The following EPHB2 variants were observed in gnomAD, a reference collection of about 807,000 sequenced individuals.
EPHB2 encodes the protein EPH receptor B2.
In EPHB2, 18 loss-of-function variants were observed where a neutral mutation model predicts 96.4. That is an observed-to-expected ratio of 0.19 (90% CI 0.13 to 0.28). EPHB2 has a LOEUF of 0.28. Among genes scored for constraint, EPHB2 ranks in the 10% least tolerant of loss-of-function variants. The pLI, the probability that EPHB2 is intolerant of heterozygous loss-of-function variation, is 1.00. For synonymous variants in EPHB2, 506 were observed against 534.1 expected (o/e 0.95, Z 0.72); for missense variants, 989 against 1,355.4 (o/e 0.73, Z 4.25).
chr1:22,821,317 C>T (rs1212191808), intron 3 of EPHB2, among the ~76,000 whole-genome samples: 1 of 152,176 alleles, frequency 6.6e-6, no homozygotes, highest in Non-Finnish European at 1.5e-5. Context: ...GCCATGTGCC[C>T]AGCTAAAAAG....
intron 3 of EPHB2, among the ~76,000 whole-genome samples, chr1:22,815,541 A>G (rs1157236324): frequency 6.6e-6 from 1 of 152,220 alleles, no homozygotes; most frequent in African/African-American, 2.4e-5. Context: ...GGGTGCAGCC[A>G]GCCCACGCTG....
intron 1 of EPHB2, among the ~76,000 whole-genome samples, chr1:22,715,163 T>A (rs1330271953): frequency 6.6e-6 from 1 of 152,180 alleles, no homozygotes; most frequent in Non-Finnish European, 1.5e-5. Context: ...TATATGATAC[T>A]GTGTTATGTG....
At chr1:22,754,050 G>A (rs1241702460) in intron 1 of EPHB2, among the ~76,000 whole-genome samples, 5 of 152,160 alleles carry the variant, frequency 3.3e-5, no homozygotes, top group South Asian at 2.1e-4. Flanking sequence ...GTTCCAGGCC[G>A]CTGTAAGGAC....
chr1:22,874,944 G>T lies in EPHB2; in HGVS notation c.1304-7415G>T, dbSNP rs143860658. ...CCACTGGGTTAAACCGAGTTAACTG[G>T]ATGTCTCCCCTGCGGGACTTCTCAG... On this transcript the variant is annotated intron_variant, in intron 5 of 15. Transcript: ENST00000374630. 2.7e-3 allele frequency among the ~76,000 whole-genome samples: 417 copies of T among 152,306 alleles called. 3 individuals carry two copies. The highest frequency in any genetic ancestry group is 9.2e-3 in the African/African-American group (384 of 41,570).
intron 1 of EPHB2, among the ~76,000 whole-genome samples, chr1:22,724,205 C>T (rs1327253701): frequency 1.3e-5 from 2 of 152,218 alleles, no homozygotes. Flanking sequence ...CCTGTGTGTT[C>T]TCACTCCCTC....
At chr1:22,738,620 C>T (rs1643869985) in intron 1 of EPHB2, among the ~76,000 whole-genome samples, 1 of 152,218 alleles carries the variant, frequency 6.6e-6, no homozygotes, top group Non-Finnish European at 1.5e-5. Flanking sequence ...GGCCATACTG[C>T]AATTCAATCA....
Position 22,856,098 on chromosome 1 carries a change from G to T in EPHB2, c.812-6939G>T, listed in dbSNP as rs549880167. ...CCTGACACACTGGGCCTGACCCAGC[G>T]ATTGACTCTGAGGTGGCATCAGTTG... is the stretch of plus-strand genomic sequence containing the variant. On this transcript the variant is annotated intron_variant, in intron 3 of 15. Coordinates refer to ENST00000374630, the MANE Select transcript of EPHB2 (RefSeq NM_017449.5). Among the ~76,000 whole-genome samples, 27 of 152,288 alleles carry T rather than the reference G, an allele frequency of 1.8e-4. No individual in the cohort carries two copies. The East Asian group carries it at 4.6e-3, about 26-fold the overall frequency.
intron 9 of EPHB2, among the ~76,000 whole-genome samples, chr1:22,903,656 G>A (rs1392405107): frequency 6.6e-6 from 1 of 152,242 alleles, no homozygotes; most frequent in Non-Finnish European, 1.5e-5. Context: ...TCCTCCAAGA[G>A]TTTTTGAGTG....
intron 6 of EPHB2, among the ~76,000 whole-genome samples, chr1:22,887,560 C>T (rs1226026702): frequency 6.6e-6 from 1 of 152,228 alleles, no homozygotes; most frequent in Admixed American, 6.5e-5. Context: ...GCCTGGAGTC[C>T]AGAGCTGACA....
At chr1:22,865,642 C>T (rs764762342) in intron 5 of EPHB2, among the ~76,000 whole-genome samples, 1 of 152,182 alleles carries the variant, frequency 6.6e-6, no homozygotes, top group Admixed American at 6.5e-5. Context: ...GAGTCTCAGG[C>T]ATGTCTGTGC....
At chr1:22,817,174 G>C (rs763441878) in intron 3 of EPHB2, among the ~76,000 whole-genome samples, 2 of 152,202 alleles carry the variant, frequency 1.3e-5, no homozygotes, top group Non-Finnish European at 2.9e-5. Context: ...GGTCAGACCA[G>C]GCCAGATGAA....
rs1001984511 is a variant in EPHB2 at position 22,913,837 on chromosome 1, T to C, written c.*267T>C. ...GAATATTTTTTAAAGAGGATTCTCA[T>C]AAGGAAAGCAATGACTGTTCTTGCG... On this transcript the variant is annotated 3_prime_UTR_variant, in exon 16 of 16. Transcript: ENST00000374630. This position sits in a 1 kb window ranked among gnomAD's most constrained non-coding sequence, Gnocchi z 4.1. 6.2e-7 allele frequency: 1 copy of C among 1,610,306 alleles called. No individual in the cohort carries two copies. The highest frequency in any genetic ancestry group is 8.5e-7 in the Non-Finnish European group (1 of 1,178,624).
At chr1:22,766,610 A>G (rs774349948) in intron 1 of EPHB2, among the ~76,000 whole-genome samples, 52 of 152,138 alleles carry the variant, frequency 3.4e-4, no homozygotes, top group Non-Finnish European at 6.6e-4. Flanking sequence ...CTGCAGTCCT[A>G]TGGTGGTTGG....
chr1:22,828,113 C>T (rs1218690614), intron 3 of EPHB2, among the ~76,000 whole-genome samples: 1 of 152,206 alleles, frequency 6.6e-6, no homozygotes, highest in East Asian at 1.9e-4. Flanking sequence ...CAGCCCTGGG[C>T]CACTGATGGG....
At chr1:22,908,462 C>T (rs992848581) in intron 12 of EPHB2, among the ~76,000 whole-genome samples, 20 of 152,140 alleles carry the variant, frequency 1.3e-4, no homozygotes, top group Non-Finnish European at 8.8e-5. Context: ...CAGAAGGGCC[C>T]GGAAACGTTT....
In EPHB2 at chr1:22,869,507, A is replaced by G. The variant is rs369479214; in HGVS notation, c.1303+4295A>G. Among the ~76,000 whole-genome samples the G allele has an allele frequency of 2.7e-3, 408 of 152,016 alleles. 27 individuals are homozygous for G. In the South Asian group the frequency reaches 0.083, roughly 31 times the overall value. On this transcript the variant is annotated intron_variant, in intron 5 of 15. Transcript: ENST00000374630. The stretch of plus-strand genomic sequence containing the variant: ...GGAATGAGCAAAGGGTATGTCCTGG[A>G]AGGCTTCCTGGAAGAGGAGGCATTT...
chr1:22,882,644 C>T (rs554283987), intron 6 of EPHB2, 161 bp downstream of exon 6: 17 of 1,105,392 alleles, frequency 1.5e-5, no homozygotes, highest in Admixed American at 6.5e-5. Flanking sequence ...AATCCAGCTC[C>T]GCTCCTTCCC....
chr1:22,738,625 C>A (rs115383751), intron 1 of EPHB2, among the ~76,000 whole-genome samples: 9 of 152,328 alleles, frequency 5.9e-5, no homozygotes, highest in African/African-American at 1.9e-4. Flanking sequence ...TACTGCAATT[C>A]AATCATTCAT....
Position 22,801,635 on chromosome 1 carries a change from GC to G in EPHB2, c.811+16562del, listed in dbSNP as rs1346546936. Among the ~76,000 whole-genome samples the G allele has an allele frequency of 1.2e-4, 19 of 152,280 alleles. No homozygotes were observed. In the East Asian group the frequency reaches 3.5e-3, roughly 28 times the overall value. ...CCCCACACGAGGGGATGGCCTACAG[GC>G]CCAAGGCACCATGTGGGCAGAGGTG... On this transcript the variant is annotated intron_variant, in intron 3 of 15. Transcript: ENST00000374630.
Sources: gnomAD v4.1 joint callset for allele counts (sites outside exome capture counted in the v4.1 genomes callset) on GRCh38, gnomAD v4.1.1 for gene constraint, Gnocchi (gnomAD v3.1) non-coding constraint, MANE v1.5 for transcripts, NCBI Gene and HGNC (gene_info 2026-07-23, HGNC 2026-07-21) for gene names.